Variants in AMOTL1 observed in about 807,000 individuals in gnomAD.
AMOTL1 encodes the protein angiomotin like 1, also known as angiomotin-like protein 1.
Under a neutral mutation model 102.9 loss-of-function variants are expected in AMOTL1, and 45 were observed. The observed-to-expected ratio is 0.44, with a 90% confidence interval of 0.34 to 0.56. The LOEUF is 0.56. AMOTL1 is among the 20% of genes least tolerant of loss of function. AMOTL1 has a pLI of 0.01. For synonymous variants in AMOTL1, 481 were observed against 484.7 expected (o/e 0.99, Z 0.10); for missense variants, 1,114 against 1,225.6 (o/e 0.91, Z 1.36).
chr11:94,753,808 C>G (rs1365927217), intron 3 of AMOTL1, among the ~76,000 whole-genome samples: 1 of 152,206 alleles, frequency 6.6e-6, no homozygotes, highest in East Asian at 1.9e-4. Flanking sequence ...ACTACAAAAC[C>G]TTAGCTTGAC....
At chr11:94,749,019 G>C (rs1301362763) in intron 3 of AMOTL1, among the ~76,000 whole-genome samples, 1 of 152,182 alleles carries the variant, frequency 6.6e-6, no homozygotes, top group South Asian at 2.1e-4. Context: ...AGAACAAATA[G>C]GATATATATA....
At position 94,783,926 on chromosome 11, in the gene AMOTL1, GT is replaced by G. The variant is rs566512220; in HGVS notation, c.50-11074del. ...TCCTACTATCACATGTATCTGTTTT[GT>G]TTTTTTTTTTCTGTGAATGCTTTGG... On this transcript the variant is annotated intron_variant, in intron 1 of 12. Coordinates refer to ENST00000433060, the MANE Select transcript of AMOTL1 (RefSeq NM_130847.3). 9.0e-5 allele frequency among the ~76,000 whole-genome samples: 13 copies of G among 144,966 alleles called. No homozygotes were observed. The East Asian group carries it at 1.0e-3, about 11-fold the overall frequency.
intron 3 of AMOTL1, among the ~76,000 whole-genome samples, chr11:94,809,155 G>C (rs1228483634): frequency 4.0e-5 from 6 of 151,872 alleles, no homozygotes; most frequent in African/African-American, 1.2e-4. Context: ...ATTTTTAGTA[G>C]AGATGGAGTT....
At chr11:94,757,619 C>A (rs1950742366) in intron 3 of AMOTL1, among the ~76,000 whole-genome samples, 1 of 152,164 alleles carries the variant, frequency 6.6e-6, no homozygotes. Context: ...GTAGCAAATT[C>A]AGGCCACTAA....
chr11:94,735,422 G>A (rs1375181253), intron 2 of AMOTL1, among the ~76,000 whole-genome samples: 1 of 152,224 alleles, frequency 6.6e-6, no homozygotes, highest in Non-Finnish European at 1.5e-5. Flanking sequence ...ACTGAGGAAC[G>A]AGGGAGCTGA....
chr11:94,763,918 G>T (rs1950824893), upstream of AMOTL1, among the ~76,000 whole-genome samples: 1 of 152,116 alleles, frequency 6.6e-6, no homozygotes, highest in South Asian at 2.1e-4. Context: ...GAAAGAAAAG[G>T]TTGGAAAAAA....
At chr11:94,831,979 A>C (rs552505494) in intron 6 of AMOTL1, among the ~76,000 whole-genome samples, 3 of 152,214 alleles carry the variant, frequency 2.0e-5, no homozygotes, top group Admixed American at 6.5e-5. Context: ...CAAGCCATCT[A>C]AGTGATCGCA....
At chr11:94,813,559 T>C (rs1005549809) in intron 3 of AMOTL1, among the ~76,000 whole-genome samples, 1 of 152,172 alleles carries the variant, frequency 6.6e-6, no homozygotes, top group Non-Finnish European at 1.5e-5. Flanking sequence ...ACCTAAACCA[T>C]CCCTCCCCTC....
intron 3 of AMOTL1, among the ~76,000 whole-genome samples, chr11:94,801,600 C>T (rs1485038291): frequency 6.6e-6 from 1 of 152,018 alleles, no homozygotes; most frequent in African/African-American, 2.4e-5. Flanking sequence ...TAGTCCAGAT[C>T]AGAATTGGTG....
At chr11:94,840,952 C>A (rs1328104878) in intron 6 of AMOTL1, among the ~76,000 whole-genome samples, 1 of 151,892 alleles carries the variant, frequency 6.6e-6, no homozygotes, top group African/African-American at 2.4e-5. Flanking sequence ...TATGGCTTCT[C>A]CTCACCTCTG....
chr11:94,772,627 G>GT (rs1250542822), intron 1 of AMOTL1, among the ~76,000 whole-genome samples: 1 of 152,082 alleles, frequency 6.6e-6, no homozygotes, highest in Admixed American at 6.5e-5. Context: ...TCACCTATGG[G>GT]TTTTTTCCAG....
chr11:94,771,878 G>A lies in AMOTL1; in HGVS notation c.49+3318G>A, dbSNP rs375876206. Among the ~76,000 whole-genome samples, 7 of 152,276 alleles carry A rather than the reference G, an allele frequency of 4.6e-5. No individual in the cohort carries two copies. The South Asian group carries it at 1.5e-3, about 32-fold the overall frequency. On this transcript the variant is annotated intron_variant, in intron 1 of 12. Coordinates refer to ENST00000433060, the MANE Select transcript of AMOTL1 (RefSeq NM_130847.3). ...TCTAAGGTGTTGGAAATGTATCCCT[G>A]TTAAGATACTGAAGAATTAGATTTA... is the stretch of plus-strand genomic sequence containing the variant.
intron 1 of AMOTL1, among the ~76,000 whole-genome samples, chr11:94,713,415 C>T (rs74704936): frequency 2.0e-5 from 3 of 151,806 alleles, no homozygotes; most frequent in African/African-American, 7.2e-5. Flanking sequence ...ATCTACAGAA[C>T]CTTGCTGGGA....
intron 3 of AMOTL1, among the ~76,000 whole-genome samples, chr11:94,801,362 A>G (rs1376443222): frequency 2.0e-5 from 3 of 152,152 alleles, no homozygotes; most frequent in African/African-American, 7.2e-5. Flanking sequence ...ATGTTTGGAC[A>G]GGGAAGTTGG....
intron 8 of AMOTL1, among the ~76,000 whole-genome samples, chr11:94,854,338 A>G (rs1952614442): frequency 6.6e-6 from 1 of 152,184 alleles, no homozygotes; most frequent in Non-Finnish European, 1.5e-5. Context: ...GCATTAGATG[A>G]CTTCAGAGAG....
chr11:94,784,094 T>G (rs1039328281), intron 1 of AMOTL1, among the ~76,000 whole-genome samples: 16 of 151,196 alleles, frequency 1.1e-4, no homozygotes, highest in Non-Finnish European at 2.4e-4. Context: ...AGATAATGCT[T>G]GTAGCATGTC....
chr11:94,718,183 T>A (rs1032896920), intron 1 of AMOTL1, among the ~76,000 whole-genome samples: 6 of 151,966 alleles, frequency 3.9e-5, no homozygotes, highest in Admixed American at 2.0e-4. Flanking sequence ...GGAAAAAAAT[T>A]GGACCCTCTT....
intron 7 of AMOTL1, 114 bp from the exon 8 acceptor site, chr11:94,853,819 C>T (rs1005374318): frequency 1.6e-5 from 19 of 1,223,570 alleles, no homozygotes; most frequent in East Asian, 1.5e-4. Flanking sequence ...GTGGGAGGTA[C>T]GTGCACCTGT....
chr11:94,865,000 T>C, intron 10 of AMOTL1, 140 bp downstream of exon 10: 1 of 1,255,638 alleles, frequency 8.0e-7, no homozygotes, highest in African/African-American at 1.5e-5. Flanking sequence ...TGCTGTGCCA[T>C]GGAGAGAAGG....
Sources: gnomAD v4.1 joint callset for allele counts (sites outside exome capture counted in the v4.1 genomes callset) on GRCh38, gnomAD v4.1.1 for gene constraint, MANE v1.5 for transcripts, NCBI Gene and HGNC (gene_info 2026-07-23, HGNC 2026-07-21) for gene names.